DLG1: variants seen among roughly 807,000 people sequenced by gnomAD.
The protein encoded by DLG1 is disks large homolog 1.
Under a neutral mutation model 123.4 loss-of-function variants are expected in DLG1, and 42 were observed. The observed-to-expected ratio is 0.34, with a 90% CI of 0.27 to 0.44. The LOEUF is 0.44. Among genes scored for constraint, DLG1 ranks in the 20% least tolerant of loss-of-function variants. The pLI is 1.00. For missense variants in DLG1, 942 were observed against 1,082.6 expected, an observed-to-expected ratio of 0.87 and a Z score of 1.82; for synonymous variants, 317 against 356.2, an observed-to-expected ratio of 0.89 and a Z score of 1.24.
chr3:197,163,258 G>A (rs1799570760), intron 5 of DLG1, among the ~76,000 whole-genome samples: 2 of 152,162 alleles, frequency 1.3e-5, no homozygotes, highest in East Asian at 3.8e-4. Context: ...AATGCTGGTG[G>A]GAAATGTAAA....
At position 197,051,494 on chromosome 3, in the gene DLG1, C is replaced by T. The variant is rs879177957; in HGVS notation, c.2575+83G>A. On this transcript the variant is annotated intron_variant, in intron 24 of 24. Coordinates refer to ENST00000667157, the MANE Select transcript of DLG1 (RefSeq NM_001366207.1). ...ACTACGGGTAGATGTAGGCATAGTT[C>T]AAAATCCACCTGAACGGGTCGGTTC... is the stretch of plus-strand genomic sequence containing the variant. 5.2e-5 allele frequency: 57 copies of T among 1,088,304 alleles called. 2 individuals are homozygous for T. The South Asian group carries it at 6.8e-4, about 13-fold the overall frequency. 67.4% of individuals were successfully genotyped at this position (1,088,304 alleles called of 1,614,324 possible).
chr3:197,225,158 C>A lies in DLG1; in HGVS notation c.319-30569G>T, dbSNP rs184511163. 2.1e-3 allele frequency among the ~76,000 whole-genome samples: 314 copies of A among 152,320 alleles called. 2 individuals carry two copies. Among genetic ancestry groups the A allele is most frequent in the Non-Finnish European group, 3.5e-3 (240 of 68,034 alleles). On this transcript the variant is annotated intron_variant, in intron 4 of 24. Coordinates refer to ENST00000667157, the MANE Select transcript of DLG1 (RefSeq NM_001366207.1). ...ACTTTTTAGTAGAGACGGGGTTTCA[C>A]CGTGTTAACCAGGACGGTCTCGATC...
At chr3:197,066,350 C>G (rs564789585) in intron 20 of DLG1, among the ~76,000 whole-genome samples, 1 of 152,100 alleles carries the variant, frequency 6.6e-6, no homozygotes, top group Admixed American at 6.5e-5. Flanking sequence ...GTGGGATAAA[C>G]AGTGCCTGGA....
intron 16 of DLG1, among the ~76,000 whole-genome samples, chr3:197,083,690 G>A (rs184096982): frequency 1.3e-5 from 2 of 152,260 alleles, no homozygotes; most frequent in Admixed American, 1.3e-4. Context: ...GGCTGCAGTG[G>A]CTCACAGCTG....
rs1248338765 is a variant in DLG1, at chr3:197,296,367, T to A, written c.130A>T (p.Asn44Tyr). 6.2e-7 allele frequency: 1 copy of A among 1,613,736 alleles called. No individual in the cohort carries two copies. Among genetic ancestry groups the A allele is most frequent in the South Asian group, 1.1e-5 (1 of 91,048 alleles). Residue 44 changes from asparagine to tyrosine, a missense_variant, in exon 3 of 25, where the codon AAC becomes TAC. Physicochemically the swap from Asn to Tyr is moderately radical, Grantham distance 143 (BLOSUM62 -2). Coordinates refer to ENST00000667157, the MANE Select transcript of DLG1 (RefSeq NM_001366207.1). ...IERVINIFQS[N>Y]LFQALIDIQE... Reference sequence around the variant, plus strand: ...CCACCTATTAAAGCCTGAAAGAGGTTGCTCTGAAATATGTTAATAACCCGT... The same window carrying A: ...CCACCTATTAAAGCCTGAAAGAGGTAGCTCTGAAATATGTTAATAACCCGT...
At chr3:197,076,930 T>G (rs559738863) in intron 17 of DLG1, among the ~76,000 whole-genome samples, 1 of 152,262 alleles carries the variant, frequency 6.6e-6, no homozygotes, top group Non-Finnish European at 1.5e-5. Flanking sequence ...AAATGCTACT[T>G]GACAAAAAAA....
chr3:197,281,984 CA>C (rs752451829), intron 4 of DLG1, among the ~76,000 whole-genome samples: 105 of 152,314 alleles, frequency 6.9e-4, no homozygotes, highest in Non-Finnish European at 8.2e-4. Context: ...GGCACAGCAC[CA>C]TCTTACACTA....
intron 5 of DLG1, among the ~76,000 whole-genome samples, chr3:197,152,419 CTTTTTTTTTT>C (rs768327685): frequency 2.1e-5 from 2 of 94,700 alleles, no homozygotes; most frequent in African/African-American, 8.8e-5. Context: ...ATCCCAAAGT[CTTTTTTTTTT>C]TTTTTTTTTT....
intron 4 of DLG1, among the ~76,000 whole-genome samples, chr3:197,279,035 T>C (rs371336): frequency 2.0e-5 from 3 of 152,084 alleles, no homozygotes; most frequent in Non-Finnish European, 4.4e-5. Context: ...ACTTTAAGTT[T>C]TAAGTTATTT....
intron 12 of DLG1, among the ~76,000 whole-genome samples, chr3:197,118,389 T>C (rs1774452071): frequency 1.3e-5 from 2 of 152,188 alleles, no homozygotes; most frequent in African/African-American, 4.8e-5. Flanking sequence ...AAGAACACTA[T>C]TCTTTCTGCT....
chr3:197,256,607 A>T (rs911510655), intron 4 of DLG1, among the ~76,000 whole-genome samples: 2 of 152,210 alleles, frequency 1.3e-5, no homozygotes, highest in Non-Finnish European at 2.9e-5. Context: ...TAAATTCCAA[A>T]TTTTTTTACA....
At chr3:197,181,772 T>C (rs533535949) in intron 5 of DLG1, among the ~76,000 whole-genome samples, 26 of 151,762 alleles carry the variant, frequency 1.7e-4, no homozygotes, top group African/African-American at 6.0e-4. Flanking sequence ...AATAGAAAGG[T>C]AATGAAAAAG....
chr3:197,080,849 A>C (rs1177135730), intron 17 of DLG1: 5 of 444,776 alleles, frequency 1.1e-5, no homozygotes, highest in Non-Finnish European at 2.0e-5. Flanking sequence ...GTATGTTGCT[A>C]ATAATATATC....
intron 11 of DLG1, among the ~76,000 whole-genome samples, chr3:197,122,342 G>C (rs1280399834): frequency 2.6e-5 from 4 of 152,058 alleles, no homozygotes; most frequent in Non-Finnish European, 2.9e-5. Context: ...CAGAAGACCT[G>C]CTGGTAACAC....
chr3:197,188,657 A>G (rs1256507116), intron 5 of DLG1, among the ~76,000 whole-genome samples: 1 of 152,216 alleles, frequency 6.6e-6, no homozygotes, highest in Admixed American at 6.5e-5. Context: ...ACTGACTTCT[A>G]CATGCAGCGT....
intron 22 of DLG1, 146 bp downstream of exon 22, chr3:197,065,130 C>T: frequency 1.5e-6 from 1 of 681,296 alleles, no homozygotes; most frequent in East Asian, 3.0e-5. Context: ...ATGCACTTTC[C>T]TAAGCCATGG....
intron 14 of DLG1, among the ~76,000 whole-genome samples, chr3:197,101,077 A>C (rs538722059): frequency 7.9e-5 from 12 of 152,336 alleles, no homozygotes; most frequent in African/African-American, 2.6e-4. Flanking sequence ...CATATACAAG[A>C]AACTTTTTTT....
chr3:197,216,073 T>A (rs1190449772), intron 4 of DLG1, among the ~76,000 whole-genome samples: 1 of 152,182 alleles, frequency 6.6e-6, no homozygotes, highest in African/African-American at 2.4e-5. Flanking sequence ...AGGGTGGTAA[T>A]TAAAAGCAAT....
At chr3:197,232,228 T>A (rs1469125875) in intron 4 of DLG1, among the ~76,000 whole-genome samples, 1 of 151,974 alleles carries the variant, frequency 6.6e-6, no homozygotes, top group Non-Finnish European at 1.5e-5. Flanking sequence ...AGACCAGGCA[T>A]GGTGGCTCAC....
Sources: gnomAD v4.1 joint callset for allele counts (sites outside exome capture counted in the v4.1 genomes callset) on GRCh38, gnomAD v4.1.1 for gene constraint, MANE v1.5 for transcripts, NCBI Gene and HGNC (gene_info 2026-07-23, HGNC 2026-07-21) for gene names.